B3GALT5: variants seen among roughly 807,000 people sequenced by gnomAD.
The protein encoded by B3GALT5 is beta-1,3-galactosyltransferase 5, also known as UDP-Gal:betaGlcNAc beta 1,3-galactosyltransferase, polypeptide 5.
For synonymous variants in B3GALT5, 156 were observed against 158.6 expected (o/e 0.98, Z 0.12); for missense variants, 328 against 396.6 (o/e 0.83, Z 1.47).
intron 1 of B3GALT5, among the ~76,000 whole-genome samples, chr21:39,624,134 ACC>A (rs910199769): frequency 3.3e-5 from 5 of 151,836 alleles, no homozygotes; most frequent in South Asian, 4.2e-4. Flanking sequence ...CCTCTTCACC[ACC>A]TCTGTTTACC....
intron 1 of B3GALT5, among the ~76,000 whole-genome samples, chr21:39,614,570 A>G (rs1047530060): frequency 1.3e-5 from 2 of 152,182 alleles, no homozygotes; most frequent in African/African-American, 4.8e-5. Flanking sequence ...GCCACCTTTA[A>G]TAGTTGGTTT....
At chr21:39,658,019 T>C in intron 2 of B3GALT5, 1 of 858,644 alleles carries the variant, frequency 1.2e-6, no homozygotes, top group Non-Finnish European at 1.5e-6. Flanking sequence ...GGACACAGGC[T>C]GCCCTTTCCA....
At chr21:39,646,046 T>C (rs770101113) in intron 1 of B3GALT5, among the ~76,000 whole-genome samples, 51 of 151,412 alleles carry the variant, frequency 3.4e-4, no homozygotes, top group Non-Finnish European at 4.7e-4. Flanking sequence ...AACATCTCTT[T>C]TATTGATTCT....
intron 2 of B3GALT5, among the ~76,000 whole-genome samples, chr21:39,654,924 T>C (rs112907903): frequency 6.6e-6 from 1 of 152,254 alleles, no homozygotes; most frequent in Admixed American, 6.5e-5. Context: ...TAACTTTAAA[T>C]GCACTGGGAG....
At chr21:39,640,971 C>G (rs1337167450) in intron 1 of B3GALT5, among the ~76,000 whole-genome samples, 1 of 152,100 alleles carries the variant, frequency 6.6e-6, no homozygotes, top group African/African-American at 2.4e-5. Context: ...TCTCGAACTC[C>G]TGGGCTCAAG....
rs191955644 is a variant in B3GALT5, at chr21:39,625,498, C to T, written c.-392+12431C>T. Among the ~76,000 whole-genome samples the T allele has an allele frequency of 9.2e-5, 14 of 152,296 alleles. No individual in the cohort carries two copies. The East Asian group carries it at 1.2e-3, about 13-fold the overall frequency. The stretch of plus-strand genomic sequence containing the variant: ...TTGCTCACTTTGTTTTTCCTTTCCC[C>T]GCTCCCAACTATGTGCAGGCATTTG... On this transcript the variant is annotated intron_variant, in intron 1 of 3. Coordinates refer to ENST00000684187, the MANE Select transcript of B3GALT5 (RefSeq NM_001356336.2).
intron 1 of B3GALT5, among the ~76,000 whole-genome samples, chr21:39,636,798 G>A (rs367977208): frequency 2.6e-5 from 4 of 152,058 alleles, no homozygotes; most frequent in African/African-American, 4.8e-5. Context: ...CTTTGGTGGC[G>A]GTCAAATGGG....
intron 1 of B3GALT5, among the ~76,000 whole-genome samples, chr21:39,627,277 C>T (rs1316449491): frequency 6.6e-6 from 1 of 152,174 alleles, no homozygotes; most frequent in Non-Finnish European, 1.5e-5. Flanking sequence ...TGAAGGGGAA[C>T]GAGCAGGAAG....
intron 2 of B3GALT5, among the ~76,000 whole-genome samples, chr21:39,654,144 T>A (rs1486914139): frequency 6.6e-6 from 1 of 152,236 alleles, no homozygotes; most frequent in African/African-American, 2.4e-5. Flanking sequence ...ACTGCCAAGG[T>A]ATATACAGCT....
chr21:39,644,189 G>A (rs1048365742), intron 1 of B3GALT5, among the ~76,000 whole-genome samples: 3 of 152,156 alleles, frequency 2.0e-5, no homozygotes, highest in African/African-American at 7.2e-5. Flanking sequence ...AGACAGTAGG[G>A]CAGAGGAAAC....
chr21:39,658,023 C>A, intron 2 of B3GALT5: 1 of 797,728 alleles, frequency 1.3e-6, no homozygotes, highest in African/African-American at 1.8e-5. Flanking sequence ...ACAGGCTGCC[C>A]TTTCCAGGCT....
In B3GALT5 at chr21:39,668,466, G is replaced by A. The variant is rs1423595250; in HGVS notation, c.*6974G>A. Reference sequence around the variant, plus strand: ...AAGAAGGAGGTCTTGTTAAGATGGCGTGGTGTGGAGTGCCCAGGTGTGAAA... The same window carrying A: ...AAGAAGGAGGTCTTGTTAAGATGGCATGGTGTGGAGTGCCCAGGTGTGAAA... On this transcript the variant is annotated 3_prime_UTR_variant, in exon 4 of 4. Coordinates refer to ENST00000684187, the MANE Select transcript of B3GALT5 (RefSeq NM_001356336.2). The A allele has an allele frequency of 2.6e-5, 4 of 152,378 alleles. No individual in the cohort carries two copies. The highest frequency in any genetic ancestry group is 3.4e-3 in the Middle Eastern group (1 of 294). 9.4% of individuals were successfully genotyped at this position (152,378 alleles called of 1,614,324 possible).
At position 39,669,662 on chromosome 21, in the gene B3GALT5, G is replaced by A. The variant is rs1212688864; in HGVS notation, c.*8170G>A. 1 of 152,130 alleles carries A rather than the reference G, an allele frequency of 6.6e-6. No individual in the cohort carries two copies. The highest frequency in any genetic ancestry group is 2.4e-5 in the African/African-American group (1 of 41,414). 9.4% of individuals were successfully genotyped at this position (152,130 alleles called of 1,614,324 possible). A position where few individuals can be genotyped will look rare whatever the true frequency, so the allele number is the denominator to read the frequency against. ...CACTGAAACCCCACAGCAGCCTCTGGAGGGCACCATTCTTATAATTATGCC... is the reference window on the plus strand; with the variant it reads ...CACTGAAACCCCACAGCAGCCTCTGAAGGGCACCATTCTTATAATTATGCC... On this transcript the variant is annotated 3_prime_UTR_variant, in exon 4 of 4. Transcript: ENST00000684187.
intron 2 of B3GALT5, among the ~76,000 whole-genome samples, chr21:39,653,783 G>A (rs552430709): frequency 2.5e-4 from 38 of 152,138 alleles, no homozygotes; most frequent in Non-Finnish European, 4.6e-4. Context: ...GGGATTGGGG[G>A]CATTTTCTCA....
intron 1 of B3GALT5, among the ~76,000 whole-genome samples, chr21:39,625,849 G>GT (rs1602258580): frequency 6.6e-6 from 1 of 152,070 alleles, no homozygotes; most frequent in Non-Finnish European, 1.5e-5. Flanking sequence ...TTTATTCATA[G>GT]TTTTTTTGGG....
intron 1 of B3GALT5, among the ~76,000 whole-genome samples, chr21:39,643,767 A>G (rs1378955572): frequency 6.6e-6 from 1 of 152,176 alleles, no homozygotes; most frequent in Non-Finnish European, 1.5e-5. Flanking sequence ...GATGAGGGAA[A>G]GGTGCTTAGC....
chr21:39,642,691 T>C (rs1237754907), intron 1 of B3GALT5, among the ~76,000 whole-genome samples: 1 of 152,078 alleles, frequency 6.6e-6, no homozygotes, highest in East Asian at 1.9e-4. Context: ...GATTAACATA[T>C]GGAGGAAGTG....
intron 2 of B3GALT5, among the ~76,000 whole-genome samples, chr21:39,650,026 T>G (rs1055336109): frequency 6.6e-6 from 1 of 152,134 alleles, no homozygotes; most frequent in African/African-American, 2.4e-5. Context: ...CTGTGAATCC[T>G]GAACCCCGCA....
chr21:39,622,681 C>T (rs370404483), intron 1 of B3GALT5, among the ~76,000 whole-genome samples: 1 of 152,184 alleles, frequency 6.6e-6, no homozygotes. Flanking sequence ...TGTTTCTAAG[C>T]AAGTGAACTT....
Sources: allele counts gnomAD v4.1 joint callset (sites outside exome capture counted in the v4.1 genomes callset), GRCh38; gene constraint gnomAD v4.1.1; transcripts MANE v1.5; gene names NCBI Gene and HGNC (gene_info 2026-07-23, HGNC 2026-07-21).